Variants in SRRM4 observed in about 807,000 individuals in gnomAD.
SRRM4 encodes serine/arginine repetitive matrix 4, also known as serine/arginine repetitive matrix protein 4.
In SRRM4, 33 loss-of-function variants were observed where a neutral mutation model predicts 68.9. The ratio of observed to expected loss-of-function variants is 0.48; its 90% CI spans 0.36 to 0.64. The LOEUF is 0.64. SRRM4 is among the 30% of genes least tolerant of loss of function. SRRM4 has a pLI of 0.00. For synonymous variants in SRRM4, 318 were observed against 318.8 expected (o/e 1.00, Z 0.03); for missense variants, 817 against 827.1 (o/e 0.99, Z 0.15).
chr12:119,124,839 AT>A (rs1954246836), intron 6 of SRRM4, among the ~76,000 whole-genome samples: 2 of 152,192 alleles, frequency 1.3e-5, no homozygotes, highest in African/African-American at 4.8e-5. Context: ...TTAAAAAAAA[AT>A]AAGCTTCCAT....
chr12:119,022,728 G>A (rs1204620769), intron 1 of SRRM4, among the ~76,000 whole-genome samples: 4 of 152,138 alleles, frequency 2.6e-5, no homozygotes, highest in African/African-American at 9.7e-5. Flanking sequence ...TCAAACTGAG[G>A]CCCAGAGAAC....
At chr12:119,112,052 AAG>A (rs1258044426) in intron 2 of SRRM4, among the ~76,000 whole-genome samples, 12 of 151,988 alleles carry the variant, frequency 7.9e-5, no homozygotes, top group African/African-American at 1.7e-4. Flanking sequence ...TCTCAAAAAA[AAG>A]AAAAAAAAAA....
intron 1 of SRRM4, among the ~76,000 whole-genome samples, chr12:118,997,865 A>G (rs1953359130): frequency 6.6e-6 from 1 of 152,208 alleles, no homozygotes; most frequent in Non-Finnish European, 1.5e-5. Context: ...TGGGGACACT[A>G]TGTGCCTTCT....
chr12:119,014,183 G>T (rs145734595), intron 1 of SRRM4, among the ~76,000 whole-genome samples: 1 of 151,896 alleles, frequency 6.6e-6, no homozygotes, highest in East Asian at 1.9e-4. Context: ...TCTTTCATCC[G>T]TTTAATAGAA....
At chr12:119,149,940 A>G (rs1002100407) in intron 9 of SRRM4, among the ~76,000 whole-genome samples, 3 of 152,122 alleles carry the variant, frequency 2.0e-5, no homozygotes, top group African/African-American at 7.2e-5. Context: ...GGGTGGGAGT[A>G]CAGAAGACAG....
chr12:119,125,461 C>T lies in SRRM4; in HGVS notation c.596C>T (p.Pro199Leu), dbSNP rs1954252291. 2 of 1,606,620 alleles carry T rather than the reference C, an allele frequency of 1.2e-6. No homozygotes were observed. The highest frequency in any genetic ancestry group is 1.4e-5 in the African/African-American group (1 of 73,712). Residue 199 changes from proline to leucine, a missense_variant, in exon 7 of 13, where the codon CCC becomes CTC. Pro to Leu is a moderately conservative substitution (Grantham distance 98). Transcript: ENST00000267260. The stretch of plus-strand genomic sequence containing the variant: ...CGGTCCCAGAGCTCGGAGTCCCGCC[C>T]CTCAAGCTGTGAGAGCAGGTAACCC... ...PSRSQSSESR[P>L]SSCESRHRGR...
intron 5 of SRRM4, among the ~76,000 whole-genome samples, 194 bp downstream of exon 5, chr12:119,120,470 A>G (rs892933103): frequency 1.3e-5 from 2 of 152,046 alleles, no homozygotes; most frequent in South Asian, 2.1e-4. Flanking sequence ...TTTGACTTCC[A>G]TCAGGCCAGG....
chr12:119,023,222 C>T lies in SRRM4; in HGVS notation c.131+41209C>T, dbSNP rs545686888. ...TTGCTCCCTTTGCAGAAGAAAGTAT[C>T]TGCTGGGTGGATAATGGTGTGTCTC... On this transcript the variant is annotated intron_variant, in intron 1 of 12. Coordinates refer to ENST00000267260, the MANE Select transcript of SRRM4 (RefSeq NM_194286.4). Among the ~76,000 whole-genome samples the T allele has an allele frequency of 3.3e-5, 5 of 152,274 alleles. No homozygotes were observed. In the South Asian group the frequency reaches 6.2e-4, roughly 19 times the overall value.
intron 1 of SRRM4, among the ~76,000 whole-genome samples, chr12:118,994,590 C>A (rs376764562): frequency 9.2e-5 from 14 of 152,350 alleles, no homozygotes; most frequent in Middle Eastern, 3.4e-3. Context: ...AATGTCAGTT[C>A]TGACGCATGC....
At position 119,160,275 on chromosome 12, in the gene SRRM4, CTG is replaced by C. The variant is rs1409547714; in HGVS notation, c.*3479_*3480del. On this transcript the variant is annotated 3_prime_UTR_variant, in exon 13 of 13. Transcript: ENST00000267260. Reference sequence around the variant, plus strand: ...CCTCTCTCTCTCTCTGTCTCTCTCTCTGTCTCTCTCTCTGTCTCTCTCTCTCT... The same window carrying C: ...CCTCTCTCTCTCTCTGTCTCTCTCTCTCTCTCTCTCTGTCTCTCTCTCTCT... 1 of 144,900 alleles carries C rather than the reference CTG, an allele frequency of 6.9e-6. No individual in the cohort carries two copies. The highest frequency in any genetic ancestry group is 1.5e-5 in the Non-Finnish European group (1 of 67,518). The allele number at this position is 144,900 out of a possible 1,614,324, so 9.0% of individuals were successfully genotyped here.
Position 119,156,487 on chromosome 12 carries a change from C to G in SRRM4, c.1533-8C>G. ...GGCCCTCATCCCTCCTCTCTCTGGT[C>G]TCTGCAGTGCCCGGAAACGCCCCAT... On this transcript the variant is annotated splice_region_variant and splice_polypyrimidine_tract_variant and intron_variant, in intron 12 of 12. Coordinates refer to ENST00000267260, the MANE Select transcript of SRRM4 (RefSeq NM_194286.4). 1 of 1,591,684 alleles carries G rather than the reference C, an allele frequency of 6.3e-7. No individual in the cohort carries two copies. Among genetic ancestry groups the G allele is most frequent in the Non-Finnish European group, 8.6e-7 (1 of 1,168,504 alleles).
chr12:119,088,098 C>T (rs902977819), intron 1 of SRRM4, among the ~76,000 whole-genome samples: 1 of 152,162 alleles, frequency 6.6e-6, no homozygotes, highest in African/African-American at 2.4e-5. Context: ...AGCCTTTGAA[C>T]ATAATTGCTG....
At chr12:119,115,740 C>G (rs1350157814) in intron 3 of SRRM4, among the ~76,000 whole-genome samples, 1 of 152,288 alleles carries the variant, frequency 6.6e-6, no homozygotes, top group Middle Eastern at 3.4e-3. Context: ...TTAAGATTCA[C>G]TAATTGACTC....
At chr12:119,135,193 T>C (rs1016377572) in intron 8 of SRRM4, among the ~76,000 whole-genome samples, 1 of 152,020 alleles carries the variant, frequency 6.6e-6, no homozygotes, top group African/African-American at 2.4e-5. Flanking sequence ...GGAAGGTGGA[T>C]TGGATGATGG....
intron 1 of SRRM4, among the ~76,000 whole-genome samples, chr12:119,080,220 G>A (rs1953939787): frequency 2.8e-5 from 1 of 35,934 alleles, no homozygotes; most frequent in South Asian, 5.2e-4. Flanking sequence ...ACCTGGCTTT[G>A]CTGTGTCGTG....
At chr12:119,051,768 C>T (rs996672657) in intron 1 of SRRM4, among the ~76,000 whole-genome samples, 2 of 152,236 alleles carry the variant, frequency 1.3e-5, no homozygotes, top group African/African-American at 4.8e-5. Context: ...CCCATCCCCA[C>T]TCCATCTTAG....
At chr12:119,072,038 C>T (rs968931182) in intron 1 of SRRM4, among the ~76,000 whole-genome samples, 1 of 152,150 alleles carries the variant, frequency 6.6e-6, no homozygotes, top group Non-Finnish European at 1.5e-5. Flanking sequence ...AAATGGGACG[C>T]TGTCAGCTTC....
At chr12:119,112,093 C>G (rs1403430841) in intron 2 of SRRM4, among the ~76,000 whole-genome samples, 1 of 151,942 alleles carries the variant, frequency 6.6e-6, no homozygotes, top group African/African-American at 2.4e-5. Context: ...ATCCTGTTTA[C>G]ACAAGCATCC....
At chr12:119,031,401 C>G (rs574235375) in intron 1 of SRRM4, 1 of 152,250 alleles carries the variant, frequency 6.6e-6, no homozygotes, top group African/African-American at 2.4e-5. Flanking sequence ...AGACCATCAC[C>G]CTTGCCATAT....
Sources: gnomAD v4.1 joint callset for allele counts (sites outside exome capture counted in the v4.1 genomes callset) on GRCh38, gnomAD v4.1.1 for gene constraint, MANE v1.5 for transcripts, NCBI Gene and HGNC (gene_info 2026-07-23, HGNC 2026-07-21) for gene names.